The following SPTBN1 variants were observed in gnomAD, a reference collection of about 807,000 sequenced individuals.
The protein encoded by SPTBN1 is spectrin beta chain, non-erythrocytic 1.
Under a neutral mutation model 266.4 loss-of-function variants are expected in SPTBN1, and 32 were observed. The ratio of observed to expected loss-of-function variants is 0.12; its 90% CI spans 0.09 to 0.16. SPTBN1 has a LOEUF of 0.16. SPTBN1 is among the 10% of genes least tolerant of loss of function. The pLI, the probability that SPTBN1 is intolerant of heterozygous loss-of-function variation, is 1.00. For missense variants in SPTBN1, 2,296 were observed against 3,067.1 expected, an observed-to-expected ratio of 0.75 and a Z score of 5.94; for synonymous variants, 1,336 against 1,162.2, an observed-to-expected ratio of 1.15 and a Z score of -3.04.
intron 1 of SPTBN1, among the ~76,000 whole-genome samples, chr2:54,468,458 C>T (rs749439386): frequency 1.3e-5 from 2 of 151,942 alleles, no homozygotes; most frequent in African/African-American, 2.4e-5. Context: ...GCCAATCCTC[C>T]AATCTTAAAC....
chr2:54,531,453 T>C (rs1671232225), intron 2 of SPTBN1, among the ~76,000 whole-genome samples: 1 of 152,176 alleles, frequency 6.6e-6, no homozygotes, highest in Admixed American at 6.5e-5. Flanking sequence ...AAATGGGGTC[T>C]TTCTGTGTTG....
At position 54,646,420 on chromosome 2, in the gene SPTBN1, C is replaced by A. The variant is rs1448120578; in HGVS notation, c.4811C>A (p.Ala1604Asp). Residue 1604 changes from alanine to aspartate, a missense_variant, in exon 23 of 36, where the codon GCC becomes GAC. By Grantham distance (126) the Ala-to-Asp change is moderately radical. This residue lies in a region of SPTBN1 where 644 missense variants were observed against 745.3 expected (regional missense o/e 0.86). Coordinates refer to ENST00000356805, the MANE Select transcript of SPTBN1 (RefSeq NM_003128.3). The surrounding 1 kb of genome is among the most constrained non-coding windows in gnomAD (Gnocchi z 4.4). ...CAGTACTACTTTGACGCTGCTGAGG[C>A]CGAAGCCTGGATGAGCGAGCAGGAG... Reference protein sequence around the residue: ...AQQYYFDAAEAEAWMSEQELY... With the variant: ...AQQYYFDAAEDEAWMSEQELY... The A allele has an allele frequency of 6.3e-7, 1 of 1,594,290 alleles. No homozygotes were observed. Among genetic ancestry groups the A allele is most frequent in the South Asian group, 1.1e-5 (1 of 88,842 alleles).
rs559321959 is a variant in SPTBN1, at chr2:54,513,960, A to G, written c.-47-12412A>G. Among the ~76,000 whole-genome samples, 22 of 152,354 alleles carry G rather than the reference A, an allele frequency of 1.4e-4. No homozygotes were observed. The South Asian group carries it at 3.9e-3, about 27-fold the overall frequency. On this transcript the variant is annotated intron_variant, in intron 1 of 35. Transcript: ENST00000356805. ...TCAGCTGATTTTTCAAAATATTAGG[A>G]CTTACAAAATTATATTTAGATTTTA...
At chr2:54,611,617 C>G (rs944026932) in intron 3 of SPTBN1, among the ~76,000 whole-genome samples, 8 of 152,042 alleles carry the variant, frequency 5.3e-5, no homozygotes, top group Non-Finnish European at 1.5e-5. Flanking sequence ...CCCTTTTCCC[C>G]TTCTTTTCAG....
chr2:54,659,494 G>A (rs1322924673), intron 31 of SPTBN1, among the ~76,000 whole-genome samples: 1 of 152,186 alleles, frequency 6.6e-6, no homozygotes, highest in Non-Finnish European at 1.5e-5. Context: ...AATGTAGACA[G>A]TGCCCTTTCT....
Position 54,558,805 on chromosome 2 carries a change from C to A in SPTBN1, c.148+32239C>A, listed in dbSNP as rs763499641. 2 of 1,613,854 alleles carry A rather than the reference C, an allele frequency of 1.2e-6. No individual in the cohort carries two copies. Among genetic ancestry groups the A allele is most frequent in the South Asian group, 2.2e-5 (2 of 91,044 alleles). ...TGGAATTGCAGAGGACGTCTAGTATCTCCGGGCCGCTGTCGCCGGCGTACA... is the reference window on the plus strand; with the variant it reads ...TGGAATTGCAGAGGACGTCTAGTATATCCGGGCCGCTGTCGCCGGCGTACA... On this transcript the variant is annotated intron_variant, in intron 2 of 35. Coordinates refer to ENST00000356805, the MANE Select transcript of SPTBN1 (RefSeq NM_003128.3). The surrounding 1 kb of genome is among the most constrained non-coding windows in gnomAD (Gnocchi z 4.6).
chr2:54,490,698 T>C (rs1169429496), intron 1 of SPTBN1, among the ~76,000 whole-genome samples: 2 of 152,176 alleles, frequency 1.3e-5, no homozygotes, highest in East Asian at 3.9e-4. Flanking sequence ...AGGCATCTTA[T>C]TCAGGTAGAT....
intron 34 of SPTBN1, 61 bp from the exon 35 acceptor site, chr2:54,667,543 T>G: frequency 6.6e-7 from 1 of 1,509,966 alleles, no homozygotes. Context: ...GATATGGGAG[T>G]TGGGGGATTT....
At position 54,653,365 on chromosome 2, in the gene SPTBN1, T is replaced by C. The variant is rs996930417; in HGVS notation, c.5578-244T>C. Reference sequence around the variant, plus strand: ...CCTGACTAAACTCTCCTGCCTGTCTTCCTGTAGCATTTCATTTGTTTTATC... The same window carrying C: ...CCTGACTAAACTCTCCTGCCTGTCTCCCTGTAGCATTTCATTTGTTTTATC... On this transcript the variant is annotated intron_variant, in intron 26 of 35. Coordinates refer to ENST00000356805, the MANE Select transcript of SPTBN1 (RefSeq NM_003128.3). This position sits in a 1 kb window ranked among gnomAD's most constrained non-coding sequence, Gnocchi z 5.1. The C allele has an allele frequency of 7.8e-6, 4 of 511,138 alleles. No individual in the cohort carries two copies. Among genetic ancestry groups the C allele is most frequent in the Non-Finnish European group, 1.3e-5 (4 of 311,912 alleles). 31.7% of individuals were successfully genotyped at this position (511,138 alleles called of 1,614,324 possible).
At chr2:54,490,969 A>C (rs1184359095) in intron 1 of SPTBN1, among the ~76,000 whole-genome samples, 2 of 152,214 alleles carry the variant, frequency 1.3e-5, no homozygotes, top group African/African-American at 2.4e-5. Flanking sequence ...AGGAGGTTTT[A>C]CCCAAAAGAC....
rs113632221 is a variant in SPTBN1 at position 54,643,078 on chromosome 2, A to G, written c.3954A>G (p.Ala1318=). ...ACAGTAAATGGTTGAAGCATCAAGCATTTATGGCAGAACTTGCATCCAACA... is the reference window on the plus strand; with the variant it reads ...ACAGTAAATGGTTGAAGCATCAAGCGTTTATGGCAGAACTTGCATCCAACA... ...NLHSKWLKHQ[A]FMAELASNKE... The change falls in exon 19 of 36, where the codon GCA becomes GCG. Residue 1318 remains alanine, a synonymous_variant. Transcript: ENST00000356805. The G allele has an allele frequency of 3.0e-5, 49 of 1,614,086 alleles. No individual in the cohort carries two copies. The highest frequency in any genetic ancestry group is 4.0e-5 in the Non-Finnish European group (47 of 1,180,020).
At chr2:54,637,169 A>G (rs1436032020) in intron 17 of SPTBN1, among the ~76,000 whole-genome samples, 3 of 152,104 alleles carry the variant, frequency 2.0e-5, no homozygotes, top group Admixed American at 6.5e-5. Flanking sequence ...ACCCTTATCA[A>G]TTGATTAAAA....
intron 1 of SPTBN1, among the ~76,000 whole-genome samples, chr2:54,518,774 T>C (rs569222042): frequency 2.0e-5 from 3 of 152,336 alleles, no homozygotes; most frequent in Non-Finnish European, 4.4e-5. Flanking sequence ...TTAATTTATT[T>C]GAGCCTTTTA....
In SPTBN1 at chr2:54,645,791, C is replaced by T; in HGVS notation, c.4495-137C>T. 1.1e-6 allele frequency: 1 copy of T among 898,038 alleles called. No homozygotes were observed. Among genetic ancestry groups the T allele is most frequent in the Non-Finnish European group, 1.7e-6 (1 of 584,948 alleles). The allele number at this position is 898,038 out of a possible 1,614,324, so 55.6% of individuals were successfully genotyped here. A position where few individuals can be genotyped will look rare whatever the true frequency, so the allele number is the denominator to read the frequency against. ...GTCTCGGAGAACAAGGGCGTGCTTC[C>T]CCAGACAGCCCTCCCGAGGGGGCTG... is the stretch of plus-strand genomic sequence containing the variant. On this transcript the variant is annotated intron_variant, in intron 21 of 35. Coordinates refer to ENST00000356805, the MANE Select transcript of SPTBN1 (RefSeq NM_003128.3). This position sits in a 1 kb window ranked among gnomAD's most constrained non-coding sequence, Gnocchi z 4.3.
intron 2 of SPTBN1, among the ~76,000 whole-genome samples, chr2:54,596,824 T>C (rs1676125421): frequency 6.6e-6 from 1 of 152,158 alleles, no homozygotes; most frequent in South Asian, 2.1e-4. Context: ...ACCTCTCCAT[T>C]TGCCTCTCTG....
intron 16 of SPTBN1, among the ~76,000 whole-genome samples, chr2:54,632,168 C>T (rs1431888496): frequency 6.6e-6 from 1 of 150,898 alleles, no homozygotes; most frequent in African/African-American, 2.4e-5. Context: ...AGGGACTTCA[C>T]CTGAGGACAC....
chr2:54,664,575 A>G lies in SPTBN1; in HGVS notation c.6543A>G (p.Pro2181=), dbSNP rs760134266. The change falls in exon 33 of 36, where the codon CCA becomes CCG. Residue 2181 remains proline (P), a synonymous_variant. Coordinates refer to ENST00000356805, the MANE Select transcript of SPTBN1 (RefSeq NM_003128.3). This position sits in a 1 kb window ranked among gnomAD's most constrained non-coding sequence, Gnocchi z 5.6. ...ATCGTAAAGCCAAGACTGCCCTCCCAGCCCAGAGTGCCGCCACCTTACCAG... is the reference window on the plus strand; with the variant it reads ...ATCGTAAAGCCAAGACTGCCCTCCCGGCCCAGAGTGCCGCCACCTTACCAG... ...TSDRKAKTAL[P]AQSAATLPAR... The G allele has an allele frequency of 1.1e-5, 18 of 1,614,156 alleles. 2 individuals carry two copies. The South Asian group carries it at 1.9e-4, about 17-fold the overall frequency.
chr2:54,529,455 A>G, intron 2 of SPTBN1: 1 of 712,858 alleles, frequency 1.4e-6, no homozygotes, highest in South Asian at 1.3e-5. Flanking sequence ...GGCCACAAAA[A>G]AAAGAAGATC....
Position 54,533,529 on chromosome 2 carries a change from A to C in SPTBN1, c.148+6963A>C, listed in dbSNP as rs1455298418. Among the ~76,000 whole-genome samples the C allele has an allele frequency of 6.6e-6, 1 of 152,132 alleles. No individual in the cohort carries two copies. Among genetic ancestry groups the C allele is most frequent in the Non-Finnish European group, 1.5e-5 (1 of 68,000 alleles). ...TTTACATGAGACTATATATGTATAC[A>C]AGTGCCTGGAAGTTAGTATAGGCAA... On this transcript the variant is annotated intron_variant, in intron 2 of 35. Transcript: ENST00000356805. The surrounding 1 kb of genome is among the most constrained non-coding windows in gnomAD (Gnocchi z 4.2).
Sources: gnomAD v4.1 joint callset for allele counts (sites outside exome capture counted in the v4.1 genomes callset) on GRCh38, gnomAD v4.1.1 for gene constraint, gnomAD v4.1.1 regional missense constraint, Gnocchi (gnomAD v3.1) non-coding constraint, MANE v1.5 for transcripts, NCBI Gene and HGNC (gene_info 2026-07-23, HGNC 2026-07-21) for gene names.